Variants in CASS4 observed in about 807,000 individuals in gnomAD.
CASS4 encodes the protein cas scaffolding protein family member 4.
A neutral mutation model predicts 54.2 loss-of-function variants in CASS4; 22 were observed. That is an observed-to-expected ratio of 0.41 (90% CI 0.29 to 0.58). The LOEUF is 0.58. CASS4 is among the 20% of genes least tolerant of loss of function. CASS4 has a pLI of 0.36. For missense variants in CASS4, 854 were observed against 986.7 expected (o/e 0.87, Z 1.80); for synonymous variants, 409 against 391.5 (o/e 1.04, Z -0.53).
chr20:56,418,053 A>C (rs1241879870), intron 1 of CASS4, among the ~76,000 whole-genome samples: 1 of 152,152 alleles, frequency 6.6e-6, no homozygotes. Context: ...CCCAATGCAT[A>C]GTTATTGGGC....
In CASS4 at chr20:56,412,478, T is replaced by A. The variant is rs1275901550; in HGVS notation, c.20T>A (p.Met7Lys). The change falls in exon 1 of 6, where the codon ATG becomes AAG. Residue 7 changes from methionine (M) to lysine (K), a missense_variant. By Grantham distance (95) the Met-to-Lys change is moderately conservative. Coordinates refer to ENST00000679887, the MANE Select transcript of CASS4 (RefSeq NM_020356.4). The surrounding 1 kb of genome is among the most constrained non-coding windows in gnomAD (Gnocchi z 4.2). MKGTGI[M>K]DCAPKALLAR... Reference sequence around the variant, plus strand: ...ACCGACATGAAGGGAACAGGCATCATGGACTGTGCGCCCAAGGTGAGTGAT... The same window carrying A: ...ACCGACATGAAGGGAACAGGCATCAAGGACTGTGCGCCCAAGGTGAGTGAT... 2 of 1,612,746 alleles carry A rather than the reference T, an allele frequency of 1.2e-6. No individual in the cohort carries two copies. Among genetic ancestry groups the A allele is most frequent in the Non-Finnish European group, 1.7e-6 (2 of 1,179,400 alleles).
At chr20:56,445,158 T>C (rs1410176239) in intron 2 of CASS4, among the ~76,000 whole-genome samples, 1 of 151,990 alleles carries the variant, frequency 6.6e-6, no homozygotes, top group Non-Finnish European at 1.5e-5. Flanking sequence ...GTCAATCCCA[T>C]CCTTTGTAGG....
intron 1 of CASS4, among the ~76,000 whole-genome samples, chr20:56,418,603 G>A (rs748543994): frequency 6.6e-6 from 1 of 152,214 alleles, no homozygotes; most frequent in African/African-American, 2.4e-5. Context: ...TTCCACTGGG[G>A]TGGTACCCTG....
chr20:56,429,239 AGTTCCCTC>A (rs1979789992), intron 1 of CASS4, among the ~76,000 whole-genome samples: 3 of 152,116 alleles, frequency 2.0e-5, no homozygotes, highest in African/African-American at 7.2e-5. Context: ...TGTGCGGGCC[AGTTCCCTC>A]TCTTCTTCTT....
In CASS4 at chr20:56,412,485, T is replaced by G. The variant is rs1176481843; in HGVS notation, c.27T>G (p.Cys9Trp). Residue 9 changes from cysteine to tryptophan, a missense_variant, in exon 1 of 6, where the codon TGT (cysteine) becomes TGG (tryptophan). By Grantham distance (215) the Cys-to-Trp change is radical (BLOSUM62 -2). Coordinates refer to ENST00000679887, the MANE Select transcript of CASS4 (RefSeq NM_020356.4). This position sits in a 1 kb window ranked among gnomAD's most constrained non-coding sequence, Gnocchi z 4.2. The stretch of plus-strand genomic sequence containing the variant: ...TGAAGGGAACAGGCATCATGGACTG[T>G]GCGCCCAAGGTGAGTGATGTGGGGC... MKGTGIMD[C>W]APKALLARAL... 2.5e-6 allele frequency: 4 copies of G among 1,612,530 alleles called. No homozygotes were observed. Among genetic ancestry groups the G allele is most frequent in the African/African-American group, 2.7e-5 (2 of 74,908 alleles).
At chr20:56,426,553 TC>T (rs1979648929) in intron 1 of CASS4, among the ~76,000 whole-genome samples, 1 of 151,926 alleles carries the variant, frequency 6.6e-6, no homozygotes, top group African/African-American at 2.4e-5. Context: ...TTCTTTTTTT[TC>T]CCCCTTCTTC....
rs1047082416 is a variant in CASS4 at position 56,436,247 on chromosome 20, C to G, written c.37-917C>G. 4.0e-5 allele frequency among the ~76,000 whole-genome samples: 6 copies of G among 151,774 alleles called. 1 individual carries two copies. In the Middle Eastern group the frequency reaches 0.014, roughly 344 times the overall value. On this transcript the variant is annotated intron_variant, in intron 1 of 5. Transcript: ENST00000679887. ...GTAATAACAGTCACAGCTGCCTGTA[C>G]CAAGTACTTACTAAATGTCAGGCAC... is the stretch of plus-strand genomic sequence containing the variant.
rs1272373690 is a variant in CASS4, at chr20:56,455,262, C to A, written c.1953+2133C>A. ...TCCTTTAAATTAATGTAAGTAAAAA[C>A]AATGGGTCCATTTAAAGGAAAGGAA... On this transcript the variant is annotated intron_variant, in intron 5 of 5. Transcript: ENST00000679887. Among the ~76,000 whole-genome samples the A allele has an allele frequency of 2.0e-5, 3 of 152,004 alleles. No homozygotes were observed. In the East Asian group the frequency reaches 5.8e-4, roughly 29 times the overall value.
chr20:56,442,666 A>T (rs374503819), intron 2 of CASS4, among the ~76,000 whole-genome samples: 11,036 of 72,242 alleles, frequency 0.15, 1,111 homozygotes, highest in African/African-American at 0.47. Context: ...GGCCTAATTT[A>T]AAAAAAAAAC....
chr20:56,429,661 G>A (rs985792186), intron 1 of CASS4, among the ~76,000 whole-genome samples: 15 of 151,550 alleles, frequency 9.9e-5, no homozygotes, highest in Non-Finnish European at 1.6e-4. Context: ...CACGCACTCC[G>A]GCCTCCACAC....
intron 1 of CASS4, among the ~76,000 whole-genome samples, chr20:56,420,973 G>C (rs1290022413): frequency 1.3e-5 from 2 of 152,142 alleles, no homozygotes; most frequent in Non-Finnish European, 2.9e-5. Flanking sequence ...CACACCAACA[G>C]AACAAAAGAA....
At chr20:56,421,786 A>C (rs1262585497) in intron 1 of CASS4, among the ~76,000 whole-genome samples, 4 of 152,126 alleles carry the variant, frequency 2.6e-5, no homozygotes, top group African/African-American at 9.7e-5. Flanking sequence ...ATCAAATAAC[A>C]CAAAACTCCT....
chr20:56,454,383 C>G (rs558741226), intron 5 of CASS4, among the ~76,000 whole-genome samples: 18 of 152,276 alleles, frequency 1.2e-4, no homozygotes, highest in African/African-American at 4.1e-4. Flanking sequence ...GGTGTAGGAG[C>G]TTTAACATGT....
Position 56,458,405 on chromosome 20 carries a change from T to TG in CASS4, c.2020dup (p.Glu674GlyfsTer79). On this transcript the variant is annotated frameshift_variant, in exon 6 of 6. Coordinates refer to ENST00000679887, the MANE Select transcript of CASS4 (RefSeq NM_020356.4). LOFTEE classifies it high-confidence loss of function. ...CTCCTGAGAGGAAACCCCGCTTATC[T>TG]GAACACTGCCGGCTCTACTTTGGGG... is the stretch of plus-strand genomic sequence containing the variant. 6.2e-7 allele frequency: 1 copy of TG among 1,614,142 alleles called. No homozygotes were observed. The highest frequency in any genetic ancestry group is 8.5e-7 in the Non-Finnish European group (1 of 1,180,042).
At chr20:56,443,088 G>C (rs1380635623) in intron 2 of CASS4, among the ~76,000 whole-genome samples, 1 of 151,600 alleles carries the variant, frequency 6.6e-6, no homozygotes, top group Non-Finnish European at 1.5e-5. Context: ...AGCTTGGTGT[G>C]TTTCTGGGAG....
At chr20:56,443,667 G>A (rs1980571697) in intron 2 of CASS4, among the ~76,000 whole-genome samples, 1 of 152,060 alleles carries the variant, frequency 6.6e-6, no homozygotes, top group South Asian at 2.1e-4. Context: ...GATGGGGAAA[G>A]GCGGGGTTTA....
chr20:56,417,474 C>CT (rs199737719), intron 1 of CASS4, among the ~76,000 whole-genome samples: 2,465 of 152,358 alleles, frequency 0.016, 41 homozygotes, highest in South Asian at 0.032. Context: ...CGCCAACACT[C>CT]TCATCTATCT....
chr20:56,432,270 G>A (rs1219490926), intron 1 of CASS4, among the ~76,000 whole-genome samples: 6 of 147,668 alleles, frequency 4.1e-5, no homozygotes, highest in Admixed American at 4.1e-4. Flanking sequence ...AAAGCTTTCA[G>A]ATTATTGTTT....
chr20:56,423,502 T>C (rs1214513285), intron 1 of CASS4, among the ~76,000 whole-genome samples: 3 of 152,212 alleles, frequency 2.0e-5, no homozygotes, highest in Admixed American at 6.5e-5. Context: ...TATATTCTAT[T>C]CTATTAAGTT....
Sources: allele counts gnomAD v4.1 joint callset (sites outside exome capture counted in the v4.1 genomes callset), GRCh38; gene constraint gnomAD v4.1.1; non-coding constraint Gnocchi (gnomAD v3.1); transcripts MANE v1.5; gene names NCBI Gene and HGNC (gene_info 2026-07-23, HGNC 2026-07-21).